Variants in AP3S1 observed in about 807,000 individuals in gnomAD.
AP3S1 encodes adaptor related protein complex 3 subunit sigma 1.
AP3S1 carries 12 observed loss-of-function variants against 21.3 expected under a neutral mutation model. That is an observed-to-expected ratio of 0.56 (90% CI 0.36 to 0.91). AP3S1 has a LOEUF of 0.91. Among genes scored for constraint, AP3S1 ranks in the 40% least tolerant of loss-of-function variants. The pLI, the probability that AP3S1 is intolerant of heterozygous loss-of-function variation, is 0.01. For synonymous variants in AP3S1, 48 were observed against 78.4 expected (o/e 0.61, Z 2.05); for missense variants, 116 against 225.0 (o/e 0.52, Z 3.10).
chr5:115,866,839 A>G (rs1229559723), intron 2 of AP3S1, 78 bp downstream of exon 2: 3 of 874,744 alleles, frequency 3.4e-6, no homozygotes, highest in Admixed American at 3.4e-5. Flanking sequence ...AGTTTATGGT[A>G]AAAGTTTTCT....
chr5:115,906,985 G>A, intron 5 of AP3S1: 1 of 1,256,492 alleles, frequency 8.0e-7, no homozygotes. Context: ...AGTCCCTGTA[G>A]CCTATTTTCC....
At chr5:115,912,820 A>G (rs1024283274) in intron 5 of AP3S1, among the ~76,000 whole-genome samples, 4 of 152,052 alleles carry the variant, frequency 2.6e-5, no homozygotes, top group African/African-American at 7.2e-5. Flanking sequence ...ACTTTATTAG[A>G]AAAGTTTAAA....
At chr5:115,860,258 A>G (rs1038418482) in intron 1 of AP3S1, among the ~76,000 whole-genome samples, 3 of 152,226 alleles carry the variant, frequency 2.0e-5, no homozygotes, top group African/African-American at 2.4e-5. Flanking sequence ...ATGCGATGCA[A>G]TTAGCTCCAC....
intron 1 of AP3S1, among the ~76,000 whole-genome samples, chr5:115,865,739 C>T (rs534375695): frequency 6.6e-6 from 1 of 152,276 alleles, no homozygotes; most frequent in East Asian, 1.9e-4. Context: ...CACATCCTTT[C>T]CTGTGAAATT....
At chr5:115,881,918 A>G (rs1227557361) in intron 3 of AP3S1, among the ~76,000 whole-genome samples, 1 of 151,474 alleles carries the variant, frequency 6.6e-6, no homozygotes, top group Admixed American at 6.6e-5. Flanking sequence ...TTTTTTCTCT[A>G]ATCTTGTCTC....
At chr5:115,899,174 G>T (rs558442446) in intron 4 of AP3S1, among the ~76,000 whole-genome samples, 1 of 152,324 alleles carries the variant, frequency 6.6e-6, no homozygotes, top group South Asian at 2.1e-4. Context: ...AGACTTAAGA[G>T]CAGAGTGCTT....
chr5:115,876,916 A>G (rs567206176), intron 3 of AP3S1, among the ~76,000 whole-genome samples: 1 of 152,276 alleles, frequency 6.6e-6, no homozygotes, highest in Admixed American at 6.5e-5. Context: ...GATATTTGTG[A>G]TGATCACTTG....
At chr5:115,885,618 C>T (rs1279487686) in intron 3 of AP3S1, among the ~76,000 whole-genome samples, 2 of 152,208 alleles carry the variant, frequency 1.3e-5, no homozygotes, top group Admixed American at 6.5e-5. Context: ...GCAGGTTTTC[C>T]TCTCCCAGTC....
intron 1 of AP3S1, among the ~76,000 whole-genome samples, chr5:115,855,382 T>G (rs1762732462): frequency 6.6e-6 from 1 of 151,764 alleles, no homozygotes; most frequent in African/African-American, 2.4e-5. Context: ...CTCAGCCACC[T>G]AGGCTGGAGT....
At chr5:115,864,684 A>G (rs1210450621) in intron 1 of AP3S1, among the ~76,000 whole-genome samples, 1 of 152,226 alleles carries the variant, frequency 6.6e-6, no homozygotes, top group Non-Finnish European at 1.5e-5. Context: ...GAAATCATGG[A>G]AGAGATTGTG....
At chr5:115,902,097 A>G (rs1487672441) in intron 4 of AP3S1, among the ~76,000 whole-genome samples, 1 of 152,228 alleles carries the variant, frequency 6.6e-6, no homozygotes, top group African/African-American at 2.4e-5. Flanking sequence ...GGCTACAAGT[A>G]ATAAGTGGTA....
intron 3 of AP3S1, among the ~76,000 whole-genome samples, chr5:115,874,134 G>A (rs982220227): frequency 6.6e-6 from 1 of 151,950 alleles, no homozygotes; most frequent in African/African-American, 2.4e-5. Context: ...CTACCCAAAC[G>A]AATGATCAGT....
chr5:115,887,029 A>G (rs1019558283), intron 3 of AP3S1, among the ~76,000 whole-genome samples: 1 of 152,212 alleles, frequency 6.6e-6, no homozygotes, highest in Admixed American at 6.5e-5. Flanking sequence ...AGTGCTATTT[A>G]CATATCTTAA....
chr5:115,911,780 G>C (rs576104321), intron 5 of AP3S1, among the ~76,000 whole-genome samples: 2 of 151,786 alleles, frequency 1.3e-5, no homozygotes, highest in Admixed American at 6.6e-5. Flanking sequence ...CAACATCTTT[G>C]GGGGAGCAGG....
intron 5 of AP3S1, among the ~76,000 whole-genome samples, chr5:115,906,651 G>T (rs1751678633): frequency 6.6e-6 from 1 of 151,778 alleles, no homozygotes; most frequent in Non-Finnish European, 1.5e-5. Context: ...CTCCCTGGGG[G>T]TGGAGGTAGA....
chr5:115,850,493 C>T (rs116175602), intron 1 of AP3S1, among the ~76,000 whole-genome samples: 2,435 of 152,270 alleles, frequency 0.016, 55 homozygotes, highest in African/African-American at 0.055. Context: ...ACAGAAACTT[C>T]TTACACATTA....
chr5:115,902,422 G>A (rs900297573), intron 4 of AP3S1, among the ~76,000 whole-genome samples: 32 of 152,038 alleles, frequency 2.1e-4, no homozygotes, highest in Non-Finnish European at 7.4e-5. Context: ...CCAATCTAGA[G>A]CCTGTTAGAA....
rs1485174401 is a variant in AP3S1 at position 115,861,860 on chromosome 5, C to CTTTTTT, written c.70-4806_70-4805insTTTTTT. On this transcript the variant is annotated intron_variant, in intron 1 of 5. Coordinates refer to ENST00000316788, the MANE Select transcript of AP3S1 (RefSeq NM_001284.4). ...CTGAACCAGGCCAAAATTTTCTTTT[C>CTTTTTT]TTTTCTTTTTTTTTTTTTTTTTTTG... is the stretch of plus-strand genomic sequence containing the variant. Among the ~76,000 whole-genome samples the CTTTTTT allele has an allele frequency of 3.2e-3, 387 of 119,976 alleles. 3 individuals are homozygous for CTTTTTT. Among genetic ancestry groups the CTTTTTT allele is most frequent in the African/African-American group, 4.0e-3 (122 of 30,442 alleles). The allele number at this position is 119,976 out of a possible 152,430, so 78.7% of individuals were successfully genotyped here.
At chr5:115,850,382 C>A (rs992060844) in intron 1 of AP3S1, among the ~76,000 whole-genome samples, 1 of 152,296 alleles carries the variant, frequency 6.6e-6, no homozygotes, top group Admixed American at 6.5e-5. Context: ...CAAAATTTAT[C>A]ATTTTAACAG....
Sources: gnomAD v4.1 joint callset for allele counts (sites outside exome capture counted in the v4.1 genomes callset) on GRCh38, gnomAD v4.1.1 for gene constraint, MANE v1.5 for transcripts, NCBI Gene and HGNC (gene_info 2026-07-23, HGNC 2026-07-21) for gene names.